WDR17: variants seen among roughly 807,000 people sequenced by gnomAD.
The protein encoded by WDR17 is WD repeat-containing protein 17.
In WDR17, 143 loss-of-function variants were observed where a neutral mutation model predicts 161.7. The ratio of observed to expected loss-of-function variants is 0.88; its 90% CI spans 0.77 to 1.02. The LOEUF is 1.02. WDR17 is among the 50% of genes least tolerant of loss of function. The pLI, the probability that WDR17 is intolerant of heterozygous loss-of-function variation, is 0.00. For synonymous variants in WDR17, 517 were observed against 515.6 expected, an observed-to-expected ratio of 1.00 and a Z score of -0.04; for missense variants, 1,469 against 1,520.9, an observed-to-expected ratio of 0.97 and a Z score of 0.57.
chr4:176,145,921 A>G (rs929786264), intron 11 of WDR17, 74 bp from the exon 12 acceptor site: 18 of 1,324,102 alleles, frequency 1.4e-5, no homozygotes, highest in African/African-American at 3.0e-5. Context: ...AGAAATTAGA[A>G]CTATGGTATA....
chr4:176,073,428 A>C (rs1212096289), intron 1 of WDR17, among the ~76,000 whole-genome samples: 1 of 151,934 alleles, frequency 6.6e-6, no homozygotes, highest in Non-Finnish European at 1.5e-5. Flanking sequence ...TACAAAGGAC[A>C]TGAACTCATC....
chr4:176,092,036 C>T (rs1284556032), intron 1 of WDR17, among the ~76,000 whole-genome samples: 2 of 152,012 alleles, frequency 1.3e-5, no homozygotes, highest in Non-Finnish European at 2.9e-5. Flanking sequence ...AAACCAGTAC[C>T]AAATTTCCTC....
intron 1 of WDR17, among the ~76,000 whole-genome samples, chr4:176,080,199 G>GT (rs1195418483): frequency 7.3e-5 from 11 of 151,372 alleles, no homozygotes; most frequent in East Asian, 1.9e-4. Context: ...AACATCATAA[G>GT]TTTTTTTTTA....
intron 4 of WDR17, among the ~76,000 whole-genome samples, chr4:176,120,654 A>T (rs926942192): frequency 5.3e-5 from 8 of 151,952 alleles, no homozygotes; most frequent in Admixed American, 4.6e-4. Context: ...CAAAAGTATG[A>T]TTAAAAAATC....
At chr4:176,137,636 A>T in intron 9 of WDR17, 25 bp downstream of exon 9, 1 of 1,397,664 alleles carries the variant, frequency 7.2e-7, no homozygotes, top group Non-Finnish European at 9.9e-7. Context: ...TTGCTACTGA[A>T]TAATATAATG....
intron 2 of WDR17, 32 bp from the exon 3 acceptor site, chr4:176,115,764 C>T (rs1462621810): frequency 1.3e-6 from 2 of 1,494,722 alleles, no homozygotes; most frequent in Admixed American, 4.1e-5. Context: ...AAAAGGAGCA[C>T]TAAAATATTT....
At chr4:176,074,477 GA>G (rs138100732) in intron 1 of WDR17, among the ~76,000 whole-genome samples, 2 of 123,050 alleles carry the variant, frequency 1.6e-5, no homozygotes, top group Non-Finnish European at 3.7e-5. Context: ...TTTAAAAAAG[GA>G]CAGAGTCTCA....
At chr4:176,155,571 G>A (rs1345349955) in intron 17 of WDR17, among the ~76,000 whole-genome samples, 1 of 87,908 alleles carries the variant, frequency 1.1e-5, no homozygotes, top group African/African-American at 3.6e-5. Context: ...TGGAGACGAA[G>A]TCTTGCTCTG....
chr4:176,140,045 G>A (rs1745010232), intron 10 of WDR17, 71 bp downstream of exon 10: 1 of 1,299,452 alleles, frequency 7.7e-7, no homozygotes, highest in Non-Finnish European at 1.1e-6. Flanking sequence ...CATTCCAACT[G>A]TGTATCCATG....
chr4:176,108,608 T>A (rs1329314370), intron 1 of WDR17, among the ~76,000 whole-genome samples: 1 of 152,082 alleles, frequency 6.6e-6, no homozygotes, highest in Non-Finnish European at 1.5e-5. Flanking sequence ...GCTCATCAGT[T>A]TTAACATGTG....
At chr4:176,097,868 A>G (rs186777809) in intron 1 of WDR17, among the ~76,000 whole-genome samples, 21 of 152,062 alleles carry the variant, frequency 1.4e-4, no homozygotes, top group Non-Finnish European at 4.4e-5. Flanking sequence ...ATGACTTTGG[A>G]GAAGCTCATG....
chr4:176,086,337 G>T (rs1216047674), intron 1 of WDR17, among the ~76,000 whole-genome samples: 1 of 151,780 alleles, frequency 6.6e-6, no homozygotes, highest in African/African-American at 2.4e-5. Context: ...ATCCTATGGG[G>T]TTTTATCTGT....
rs1372898301 is a variant in WDR17 at position 176,142,054 on chromosome 4, G to C, written c.1514G>C (p.Trp505Ser). ...CCAGCTGCAGTGTTTGGTTGTGATT[G>C]GAGCCAAAACAATAAGTAAGTGGTT... ...KHPAAVFGCDWSQNNKDMIAT... is the reference protein window; with the variant it reads ...KHPAAVFGCDSSQNNKDMIAT... The change falls in exon 11 of 29, where the codon TGG becomes TCG. Residue 505 changes from tryptophan (W) to serine (S), a missense_variant. Physicochemically the swap from Trp to Ser is radical, Grantham distance 177. Transcript: ENST00000508596. 2 of 1,609,796 alleles carry C rather than the reference G, an allele frequency of 1.2e-6. No homozygotes were observed. Among genetic ancestry groups the C allele is most frequent in the Non-Finnish European group, 1.7e-6 (2 of 1,177,752 alleles).
intron 1 of WDR17, among the ~76,000 whole-genome samples, chr4:176,088,640 C>T (rs1302728237): frequency 2.0e-5 from 3 of 152,128 alleles, no homozygotes; most frequent in Admixed American, 6.6e-5. Flanking sequence ...GAATTAAGGA[C>T]GTAGAGGACC....
chr4:176,150,726 T>C, intron 16 of WDR17, 133 bp downstream of exon 16: 1 of 877,050 alleles, frequency 1.1e-6, no homozygotes, highest in Non-Finnish European at 1.6e-6. Context: ...AGGAGATCCA[T>C]CTTGGGTAAA....
At chr4:176,178,377 T>C (rs558192470) in intron 28 of WDR17, among the ~76,000 whole-genome samples, 1 of 152,332 alleles carries the variant, frequency 6.6e-6, no homozygotes, top group East Asian at 1.9e-4. Context: ...TTATGAAATA[T>C]TTGGAGTATG....
In WDR17 at chr4:176,120,319, T is replaced by TATATATATATAAAA. The variant is rs1491272016; in HGVS notation, c.538+223_538+224insTATATATATAAAAA. Reference sequence around the variant, plus strand: ...ATATATATATATATATATATATATATAATACATTCAACACAGCTGTGAATA... The same window carrying TATATATATATAAAA: ...ATATATATATATATATATATATATATATATATATATAAAAAATACATTCAACACAGCTGTGAATA... On this transcript the variant is annotated intron_variant, in intron 4 of 28. Coordinates refer to ENST00000508596, the MANE Select transcript of WDR17 (RefSeq NM_181265.4). 2.2e-5 allele frequency among the ~76,000 whole-genome samples: 3 copies of TATATATATATAAAA among 138,754 alleles called. 1 individual carries two copies. Among genetic ancestry groups the TATATATATATAAAA allele is most frequent in the African/African-American group, 7.9e-5 (3 of 37,892 alleles). 91.0% of individuals were successfully genotyped at this position (138,754 alleles called of 152,430 possible). A position where few individuals can be genotyped will look rare whatever the true frequency, so the allele number is the denominator to read the frequency against.
Position 176,166,281 on chromosome 4 carries a change from T to TG in WDR17, c.2991-2390dup, listed in dbSNP as rs1749762643. ...TTATTTTATGGTATGCCAATTCACG[T>TG]GTAATTTATAGCACATGAAACCTGA... is the stretch of plus-strand genomic sequence containing the variant. On this transcript the variant is annotated intron_variant, in intron 22 of 28. Transcript: ENST00000508596. 1.5e-4 allele frequency: 46 copies of TG among 304,208 alleles called. 1 individual carries two copies. The South Asian group carries it at 3.3e-3, about 22-fold the overall frequency. 18.8% of individuals were successfully genotyped at this position (304,208 alleles called of 1,614,324 possible). A position where few individuals can be genotyped will look rare whatever the true frequency, so the allele number is the denominator to read the frequency against.
intron 22 of WDR17, among the ~76,000 whole-genome samples, chr4:176,166,333 T>C (rs1289107607): frequency 2.0e-5 from 3 of 152,150 alleles, no homozygotes; most frequent in Non-Finnish European, 4.4e-5. Flanking sequence ...AAAGTTCCTA[T>C]AATCACTCAT....
Sources: allele counts gnomAD v4.1 joint callset (sites outside exome capture counted in the v4.1 genomes callset), GRCh38; gene constraint gnomAD v4.1.1; transcripts MANE v1.5; gene names NCBI Gene and HGNC (gene_info 2026-07-23, HGNC 2026-07-21).